Variants in FBLN1 observed in about 807,000 individuals in gnomAD.
The protein encoded by FBLN1 is fibulin 1.
FBLN1 carries 34 observed loss-of-function variants against 89.7 expected under a neutral mutation model. That is an observed-to-expected ratio of 0.38 (90% CI 0.29 to 0.50). The LOEUF (loss-of-function observed/expected upper bound fraction) is 0.50, where lower values mean the gene tolerates loss of function less well. Among genes scored for constraint, FBLN1 ranks in the 20% least tolerant of loss-of-function variants. FBLN1 has a pLI of 0.92. For missense variants in FBLN1, 777 were observed against 988.1 expected (o/e 0.79, Z 2.86); for synonymous variants, 393 against 391.3 (o/e 1.00, Z -0.05).
rs1195303660 is a variant in FBLN1 at position 45,537,823 on chromosome 22, C to T, written c.922+2486C>T. Among the ~76,000 whole-genome samples, 3 of 152,188 alleles carry T rather than the reference C, an allele frequency of 2.0e-5. No individual in the cohort carries two copies. The highest frequency in any genetic ancestry group is 3.9e-4 in the East Asian group (2 of 5,176). On this transcript the variant is annotated intron_variant, in intron 8 of 16. Coordinates refer to ENST00000327858, the MANE Select transcript of FBLN1 (RefSeq NM_006486.3). This position sits in a 1 kb window ranked among gnomAD's most constrained non-coding sequence, Gnocchi z 5.7. ...GCAGGGAGGGGTGGTTTTCGCTCAG[C>T]GCAGGGGGTGGTGAGCAGGGAAGCC...
chr22:45,531,196 G>A lies in FBLN1; in HGVS notation c.485-69G>A, dbSNP rs1602181264. The A allele has an allele frequency of 5.2e-6, 7 of 1,349,492 alleles. No homozygotes were observed. The East Asian group carries it at 1.4e-4, about 26-fold the overall frequency. The allele number at this position is 1,349,492 out of a possible 1,614,324, so 83.6% of individuals were successfully genotyped here. ...CCTGATAGTGACAAGAAGAGAGAAT[G>A]TTGGGAGTTTCTTTTAAGATAAGAT... On this transcript the variant is annotated intron_variant, in intron 4 of 16. Transcript: ENST00000327858. The surrounding 1 kb of genome is among the most constrained non-coding windows in gnomAD (Gnocchi z 4.9).
intron 14 of FBLN1, among the ~76,000 whole-genome samples, chr22:45,560,782 C>G (rs1204684148): frequency 6.6e-6 from 1 of 152,162 alleles, no homozygotes; most frequent in African/African-American, 2.4e-5. Context: ...GGGTCACACT[C>G]TCAACCTCAT....
chr22:45,569,874 CA>C (rs1489469951), intron 14 of FBLN1, among the ~76,000 whole-genome samples: 1 of 152,092 alleles, frequency 6.6e-6, no homozygotes. Flanking sequence ...TGTTGTATAG[CA>C]AACAAATGCA....
chr22:45,535,261 T>C lies in FBLN1; in HGVS notation c.846T>C (p.Thr282=). The C allele has an allele frequency of 6.2e-7, 1 of 1,614,232 alleles. No individual in the cohort carries two copies. Among genetic ancestry groups the C allele is most frequent in the African/African-American group, 1.3e-5 (1 of 75,066 alleles). The change falls in exon 8 of 17, where the codon ACT becomes ACC. Residue 282 remains threonine (T), a synonymous_variant. Transcript: ENST00000327858. ...NCLPDFICQN[T]LGSFRCRPKL... ...TCCCCGATTTTATCTGTCAGAATAC[T>C]CTGGGATCCTTCCGCTGCCGACCCA...
In FBLN1 at chr22:45,576,834, G is replaced by A. The variant is rs1602221401; in HGVS notation, c.1841-143G>A. 3 of 943,724 alleles carry A rather than the reference G, an allele frequency of 3.2e-6. No homozygotes were observed. The highest frequency in any genetic ancestry group is 3.2e-5 in the African/African-American group (2 of 61,800). 58.5% of individuals were successfully genotyped at this position (943,724 alleles called of 1,614,324 possible). A position where few individuals can be genotyped will look rare whatever the true frequency, so the allele number is the denominator to read the frequency against. On this transcript the variant is annotated intron_variant, in intron 15 of 16. Coordinates refer to ENST00000327858, the MANE Select transcript of FBLN1 (RefSeq NM_006486.3). This position sits in a 1 kb window ranked among gnomAD's most constrained non-coding sequence, Gnocchi z 5.2. The stretch of plus-strand genomic sequence containing the variant: ...ACCCCTCCACCCTCCCCACACAGGG[G>A]ATCTCTGGCTTCATTGATGTTGTCT...
intron 7 of FBLN1, among the ~76,000 whole-genome samples, chr22:45,534,495 T>A (rs2088457696): frequency 6.6e-6 from 1 of 152,182 alleles, no homozygotes; most frequent in Non-Finnish European, 1.5e-5. Context: ...GAGGCTCTGA[T>A]GAGGATCGTT....
rs953395569 is a variant in FBLN1, at chr22:45,583,796, G to A, written c.1972+6688G>A. On this transcript the variant is annotated intron_variant, in intron 16 of 16. Coordinates refer to ENST00000327858, the MANE Select transcript of FBLN1 (RefSeq NM_006486.3). The surrounding 1 kb of genome is among the most constrained non-coding windows in gnomAD (Gnocchi z 4.5). The stretch of plus-strand genomic sequence containing the variant: ...GGAAGCGCCTGCAGCATGAGAGAGA[G>A]AGAGAATGAGAGAGAGAGACAGAGA... 1.3e-5 allele frequency among the ~76,000 whole-genome samples: 2 copies of A among 152,076 alleles called. No individual in the cohort carries two copies. Among genetic ancestry groups the A allele is most frequent in the African/African-American group, 4.8e-5 (2 of 41,430 alleles).
At chr22:45,542,021 C>G (rs1032206309) in intron 9 of FBLN1, 134 bp from the exon 10 acceptor site, 1 of 1,359,294 alleles carries the variant, frequency 7.4e-7, no homozygotes, top group Admixed American at 1.7e-5. Flanking sequence ...AGTAGGTGCT[C>G]TGTGAAGTCG....
intron 14 of FBLN1, among the ~76,000 whole-genome samples, chr22:45,567,143 C>G (rs1768976300): frequency 1.3e-5 from 2 of 152,218 alleles, no homozygotes; most frequent in African/African-American, 4.8e-5. Flanking sequence ...ATCCCCTGTC[C>G]TCCACTGCAG....
At chr22:45,544,456 C>T (rs138911778) in intron 11 of FBLN1, among the ~76,000 whole-genome samples, 22 of 152,306 alleles carry the variant, frequency 1.4e-4, no homozygotes, top group African/African-American at 5.1e-4. Flanking sequence ...CCTGGCCTTC[C>T]GGATGACGAC....
intron 4 of FBLN1, 22 bp downstream of exon 4, chr22:45,528,031 C>G: frequency 6.2e-7 from 1 of 1,613,106 alleles, no homozygotes; most frequent in Non-Finnish European, 8.5e-7. Flanking sequence ...CCTTCCTTCC[C>G]TAATGAGCAG....
chr22:45,502,958 G>GCCGCCCA lies in FBLN1; in HGVS notation c.-21_-15dup. 1.9e-6 allele frequency: 2 copies of GCCGCCCA among 1,064,960 alleles called. No homozygotes were observed. Among genetic ancestry groups the GCCGCCCA allele is most frequent in the Non-Finnish European group, 2.3e-6 (2 of 870,710 alleles). 66.0% of individuals were successfully genotyped at this position (1,064,960 alleles called of 1,614,324 possible). On this transcript the variant is annotated 5_prime_UTR_variant, in exon 1 of 17. Transcript: ENST00000327858. ...GACCGCGCCCGCGCCTTTGTCCGCC[G>GCCGCCCA]CCGCCCACCGCCCGTCGCCCGCCGC... is the stretch of plus-strand genomic sequence containing the variant.
chr22:45,539,348 C>G (rs1259186150), intron 8 of FBLN1, among the ~76,000 whole-genome samples: 2 of 151,346 alleles, frequency 1.3e-5, no homozygotes, highest in African/African-American at 4.9e-5. Context: ...TTACAGGTGC[C>G]CACAACCATG....
At position 45,525,612 on chromosome 22, in the gene FBLN1, C is replaced by T; in HGVS notation, c.255C>T (p.Ala85=). Residue 85 remains alanine, a synonymous_variant, in exon 3 of 17, where the codon GCC becomes GCT. Coordinates refer to ENST00000327858, the MANE Select transcript of FBLN1 (RefSeq NM_006486.3). ...ELHCATGISL[A]NEQDRCATPH... is the part of the protein sequence containing the mutation. The stretch of plus-strand genomic sequence containing the variant: ...ACTGTGCCACGGGCATCAGCCTGGC[C>T]AACGAGCAGGACCGCTGTGCCACGC... The T allele has an allele frequency of 6.4e-7, 1 of 1,550,986 alleles. No individual in the cohort carries two copies.
intron 16 of FBLN1, among the ~76,000 whole-genome samples, chr22:45,599,396 AG>A (rs1293010129): frequency 1.3e-5 from 2 of 152,168 alleles, no homozygotes; most frequent in African/African-American, 4.8e-5. Context: ...GCCTCCACAG[AG>A]GCATGCACAG....
chr22:45,596,775 A>G (rs1043897393), intron 16 of FBLN1, among the ~76,000 whole-genome samples: 1 of 146,946 alleles, frequency 6.8e-6, no homozygotes, highest in East Asian at 1.9e-4. Context: ...GGATATTTAT[A>G]TATAATTATA....
chr22:45,571,218 C>G (rs984171680), intron 14 of FBLN1, among the ~76,000 whole-genome samples: 1 of 151,098 alleles, frequency 6.6e-6, no homozygotes, highest in Non-Finnish European at 1.5e-5. Flanking sequence ...AAAAAATGTT[C>G]TCATCAGACT....
chr22:45,533,027 G>A (rs760106152), intron 5 of FBLN1, 36 bp from the exon 6 acceptor site: 2 of 1,572,946 alleles, frequency 1.3e-6, no homozygotes, highest in Admixed American at 3.3e-5. Context: ...GTGCCTGGGT[G>A]CGTCCATCCC....
At chr22:45,523,336 G>A in intron 2 of FBLN1, 1 of 532,936 alleles carries the variant, frequency 1.9e-6, no homozygotes, top group Non-Finnish European at 3.4e-6. Flanking sequence ...TGTTGGGGGT[G>A]AGCCTGAGGC....
Sources: gnomAD v4.1 joint callset for allele counts (sites outside exome capture counted in the v4.1 genomes callset) on GRCh38, gnomAD v4.1.1 for gene constraint, Gnocchi (gnomAD v3.1) non-coding constraint, MANE v1.5 for transcripts, NCBI Gene and HGNC (gene_info 2026-07-23, HGNC 2026-07-21) for gene names.